Variants in EXOC4 observed in about 807,000 individuals in gnomAD.
EXOC4 encodes SEC8-like 1.
Under a neutral mutation model 107.2 loss-of-function variants are expected in EXOC4, and 71 were observed. The observed-to-expected ratio is 0.66, with a 90% CI of 0.55 to 0.81. EXOC4 has a LOEUF of 0.81. Among genes scored for constraint, EXOC4 ranks in the 30% least tolerant of loss-of-function variants. The pLI, the probability that EXOC4 is intolerant of heterozygous loss-of-function variation, is 0.00. For synonymous variants in EXOC4, 456 were observed against 441.2 expected, an observed-to-expected ratio of 1.03 and a Z score of -0.42; for missense variants, 1,108 against 1,189.6, an observed-to-expected ratio of 0.93 and a Z score of 1.01.
chr7:133,819,729 G>A (rs1319433163), intron 11 of EXOC4, among the ~76,000 whole-genome samples: 1 of 151,622 alleles, frequency 6.6e-6, no homozygotes. Flanking sequence ...ACTTGAACAT[G>A]TTTAGTGCAC....
intron 9 of EXOC4, among the ~76,000 whole-genome samples, chr7:133,499,054 G>A (rs897789835): frequency 2.7e-5 from 4 of 150,060 alleles, no homozygotes; most frequent in African/African-American, 7.4e-5. Context: ...ACATTTTACC[G>A]GTAGTATGTC....
chr7:134,064,022 A>C (rs950083426), intron 17 of EXOC4, among the ~76,000 whole-genome samples: 1 of 152,130 alleles, frequency 6.6e-6, no homozygotes, highest in Non-Finnish European at 1.5e-5. Context: ...AATTAGCAAA[A>C]AAATGTAGAA....
chr7:133,745,654 A>G (rs1464582416), intron 10 of EXOC4, among the ~76,000 whole-genome samples: 1 of 151,974 alleles, frequency 6.6e-6, no homozygotes, highest in African/African-American at 2.4e-5. Flanking sequence ...AGACTGGAAT[A>G]AAATAGGACA....
intron 7 of EXOC4, among the ~76,000 whole-genome samples, chr7:133,421,277 C>T (rs1218932214): frequency 6.6e-6 from 1 of 152,120 alleles, no homozygotes. Flanking sequence ...AGTGTGTATC[C>T]AGAAGTCATG....
chr7:133,889,999 C>T (rs1255805754), intron 11 of EXOC4, among the ~76,000 whole-genome samples: 1 of 19,532 alleles, frequency 5.1e-5, no homozygotes, highest in Admixed American at 4.2e-4. Flanking sequence ...AATCGCCACA[C>T]TGACTTCCAC....
intron 11 of EXOC4, among the ~76,000 whole-genome samples, chr7:133,887,329 A>G (rs1799108066): frequency 6.6e-6 from 1 of 152,206 alleles, no homozygotes; most frequent in Admixed American, 6.5e-5. Flanking sequence ...ACATTAATCT[A>G]GTTTCTTTTA....
chr7:134,028,568 C>T (rs1298524664), intron 17 of EXOC4, among the ~76,000 whole-genome samples: 1 of 152,184 alleles, frequency 6.6e-6, no homozygotes, highest in Non-Finnish European at 1.5e-5. Flanking sequence ...TAGGTAGCCG[C>T]AGTGTGGAGG....
the EXOC4 span, among the ~76,000 whole-genome samples, chr7:134,097,540 C>T: frequency 6.6e-6 from 1 of 152,140 alleles, no homozygotes; most frequent in African/African-American, 2.4e-5. Flanking sequence ...GAAGCATTCT[C>T]CTTGGTTCAC....
At chr7:133,609,288 G>A (rs554420789) in intron 9 of EXOC4, among the ~76,000 whole-genome samples, 1 of 152,292 alleles carries the variant, frequency 6.6e-6, no homozygotes, top group African/African-American at 2.4e-5. Flanking sequence ...TTTATGTGTG[G>A]ACTGTTTCCA....
intron 9 of EXOC4, among the ~76,000 whole-genome samples, chr7:133,509,055 CTTCTTA>C (rs2150895954): frequency 6.6e-6 from 1 of 152,220 alleles, no homozygotes; most frequent in South Asian, 2.1e-4. Flanking sequence ...TTTTTTACCC[CTTCTTA>C]TTGTATTTAA....
chr7:133,560,531 G>A (rs770737368), intron 9 of EXOC4, among the ~76,000 whole-genome samples: 2 of 152,098 alleles, frequency 1.3e-5, no homozygotes, highest in Non-Finnish European at 1.5e-5. Flanking sequence ...AGATTCTCCC[G>A]CCTTGGCCTC....
chr7:133,447,849 G>T (rs1053190505), intron 7 of EXOC4, among the ~76,000 whole-genome samples: 1 of 152,094 alleles, frequency 6.6e-6, no homozygotes, highest in Non-Finnish European at 1.5e-5. Context: ...AAAAACTAAT[G>T]ACTCAAGTCA....
At chr7:133,839,220 G>C (rs376580291) in intron 11 of EXOC4, among the ~76,000 whole-genome samples, 1 of 152,108 alleles carries the variant, frequency 6.6e-6, no homozygotes, top group African/African-American at 2.4e-5. Flanking sequence ...GTTTATACTT[G>C]TATATTGCTG....
At chr7:133,558,209 T>TTCTTTTCTTTTTTTTTCTTC (rs1800736340) in intron 9 of EXOC4, among the ~76,000 whole-genome samples, 2 of 136,598 alleles carry the variant, frequency 1.5e-5, no homozygotes, top group Non-Finnish European at 3.0e-5. Flanking sequence ...TTCTTTTCTT[T>TTCTTTTCTTTTTTTTTCTTC]TCTTTTCTTT....
At position 133,893,308 on chromosome 7, in the gene EXOC4, G is replaced by A. The variant is rs1799233001; in HGVS notation, c.1735-2291G>A. The stretch of plus-strand genomic sequence containing the variant: ...ATCTTCCTCCATCCTTTTATTTTGA[G>A]CCTATGTGTGTCTCTGCACGTAAGA... On this transcript the variant is annotated intron_variant, in intron 11 of 17. Coordinates refer to ENST00000253861, the MANE Select transcript of EXOC4 (RefSeq NM_021807.4). Among the ~76,000 whole-genome samples, 3 of 82,180 alleles carry A rather than the reference G, an allele frequency of 3.7e-5. 1 individual carries two copies. The highest frequency in any genetic ancestry group is 6.3e-5 in the Non-Finnish European group (3 of 47,308). 53.9% of individuals were successfully genotyped at this position (82,180 alleles called of 152,430 possible).
At chr7:133,472,980 T>G (rs1018396806) in intron 7 of EXOC4, among the ~76,000 whole-genome samples, 1 of 152,218 alleles carries the variant, frequency 6.6e-6, no homozygotes, top group Non-Finnish European at 1.5e-5. Flanking sequence ...AAAGAGTTAC[T>G]TGGATTAGTG....
intron 12 of EXOC4, among the ~76,000 whole-genome samples, chr7:133,903,883 G>T (rs1799509595): frequency 6.6e-6 from 1 of 152,214 alleles, no homozygotes; most frequent in Non-Finnish European, 1.5e-5. Context: ...GCCAGTGAAG[G>T]AGGAGGAAAA....
intron 10 of EXOC4, among the ~76,000 whole-genome samples, chr7:133,812,544 T>A (rs1223289862): frequency 6.6e-6 from 1 of 152,208 alleles, no homozygotes; most frequent in Non-Finnish European, 1.5e-5. Context: ...AGGCTCATTT[T>A]CTGTGTCCTT....
At chr7:133,344,237 A>G (rs148888681) in intron 5 of EXOC4, among the ~76,000 whole-genome samples, 50 of 152,192 alleles carry the variant, frequency 3.3e-4, no homozygotes, top group East Asian at 1.5e-3. Flanking sequence ...AGCTTTTCCT[A>G]TCCCAAATTC....
Sources: gnomAD v4.1 joint callset for allele counts (sites outside exome capture counted in the v4.1 genomes callset) on GRCh38, gnomAD v4.1.1 for gene constraint, MANE v1.5 for transcripts, NCBI Gene and HGNC (gene_info 2026-07-23, HGNC 2026-07-21) for gene names.